NR3C1: variants seen among roughly 807,000 people sequenced by gnomAD.
The protein encoded by NR3C1 is glucocorticoid receptor.
NR3C1 carries 14 observed loss-of-function variants against 74.0 expected under a neutral mutation model. The observed-to-expected ratio is 0.19, with a 90% CI of 0.12 to 0.30. NR3C1 has a LOEUF of 0.30. Ranked by LOEUF, NR3C1 falls within the 10% of genes least tolerant of loss-of-function variation. The pLI is 1.00. For missense variants in NR3C1, 695 were observed against 909.8 expected (o/e 0.76, Z 3.04); for synonymous variants, 308 against 332.5 (o/e 0.93, Z 0.80).
chr5:143,414,201 T>C (rs1841405557), intron 1 of NR3C1, among the ~76,000 whole-genome samples: 1 of 152,198 alleles, frequency 6.6e-6, no homozygotes, highest in African/African-American at 2.4e-5. Flanking sequence ...TTTTGGGTGA[T>C]GAAGTGATGT....
chr5:143,322,673 T>G (rs904790829), intron 2 of NR3C1, among the ~76,000 whole-genome samples: 8 of 152,136 alleles, frequency 5.3e-5, no homozygotes, highest in Non-Finnish European at 7.4e-5. Context: ...CAAATGGAAA[T>G]GCAGAACAGT....
chr5:143,378,496 C>T (rs765328440), intron 2 of NR3C1, among the ~76,000 whole-genome samples: 4 of 152,136 alleles, frequency 2.6e-5, no homozygotes, highest in Admixed American at 6.6e-5. Context: ...TTCAGACTTG[C>T]TTGTGTTCAC....
At chr5:143,332,877 A>G in intron 2 of NR3C1, 1 of 1,480,352 alleles carries the variant, frequency 6.8e-7, no homozygotes, top group South Asian at 1.1e-5. Flanking sequence ...TACCCCCTAG[A>G]ATCTAAAAAT....
chr5:143,402,897 G>A (rs1437895632), intron 1 of NR3C1: 1 of 942,124 alleles, frequency 1.1e-6, no homozygotes. Flanking sequence ...GAGAAAAGAG[G>A]CCAGGATTCC....
intron 1 of NR3C1, chr5:143,402,797 T>C (rs1840572910): frequency 1.0e-6 from 1 of 985,206 alleles, no homozygotes; most frequent in African/African-American, 1.7e-5. Context: ...CGTGCAAATA[T>C]TCGGGCGAGT....
At chr5:143,285,233 G>C (rs373265437) in intron 7 of NR3C1, among the ~76,000 whole-genome samples, 1 of 152,090 alleles carries the variant, frequency 6.6e-6, no homozygotes, top group African/African-American at 2.4e-5. Context: ...TAAATATGCC[G>C]GGCATTCAGT....
chr5:143,388,436 A>C (rs1046593913), intron 2 of NR3C1, among the ~76,000 whole-genome samples: 2 of 152,202 alleles, frequency 1.3e-5, no homozygotes, highest in Non-Finnish European at 2.9e-5. Flanking sequence ...TTAGGTATTC[A>C]ACATGTATTT....
At chr5:143,292,483 C>G (rs1235128953) in intron 7 of NR3C1, among the ~76,000 whole-genome samples, 1 of 152,056 alleles carries the variant, frequency 6.6e-6, no homozygotes, top group African/African-American at 2.4e-5. Context: ...ATTAGTTTTC[C>G]TTACAGGGCA....
chr5:143,424,047 C>G (rs1453280831), intron 1 of NR3C1, among the ~76,000 whole-genome samples: 1 of 66,400 alleles, frequency 1.5e-5, no homozygotes, highest in African/African-American at 6.6e-5. Context: ...GAACATCACA[C>G]TCTGGGGACT....
At chr5:143,305,560 G>A (rs779042159) in intron 4 of NR3C1, among the ~76,000 whole-genome samples, 15 of 152,100 alleles carry the variant, frequency 9.9e-5, no homozygotes, top group Admixed American at 2.6e-4. Context: ...AATACTATGT[G>A]GCCACAAAAA....
intron 1 of NR3C1, among the ~76,000 whole-genome samples, chr5:143,421,947 G>A (rs1010905271): frequency 5.3e-5 from 8 of 152,312 alleles, no homozygotes; most frequent in Admixed American, 6.5e-5. Context: ...GCAGAGTATG[G>A]AACACAGTCA....
intron 2 of NR3C1, among the ~76,000 whole-genome samples, chr5:143,366,811 A>G (rs1471219610): frequency 5.9e-5 from 9 of 152,172 alleles, no homozygotes; most frequent in Non-Finnish European, 5.9e-5. Context: ...TTAAGTTAGT[A>G]ATCAAAAAAC....
At chr5:143,429,122 T>C (rs185732382) in intron 1 of NR3C1, among the ~76,000 whole-genome samples, 36 of 152,336 alleles carry the variant, frequency 2.4e-4, no homozygotes, top group Non-Finnish European at 4.4e-4. Context: ...ATGATAATAA[T>C]AGTAACAGAT....
intron 7 of NR3C1, among the ~76,000 whole-genome samples, chr5:143,283,612 A>AATAG (rs1277801596): frequency 1.3e-5 from 2 of 152,222 alleles, no homozygotes; most frequent in Admixed American, 1.3e-4. Context: ...TAATGTAGCT[A>AATAG]ATAGATATGT....
At position 143,281,338 on chromosome 5, in the gene NR3C1, C is replaced by T. The variant is rs1336001075; in HGVS notation, c.*551G>A. On this transcript the variant is annotated 3_prime_UTR_variant, in exon 9 of 9. Coordinates refer to ENST00000394464, the MANE Select transcript of NR3C1 (RefSeq NM_000176.3). ...AATTATGTAAGAAAAAATGAGCAAG[C>T]GTAGTTCACTAAATATAAAGGAAAT... The T allele has an allele frequency of 6.5e-6, 1 of 154,034 alleles. No individual in the cohort carries two copies. Among genetic ancestry groups the T allele is most frequent in the Non-Finnish European group, 1.4e-5 (1 of 69,050 alleles). 9.5% of individuals were successfully genotyped at this position (154,034 alleles called of 1,614,324 possible).
chr5:143,295,314 A>G (rs1816944941), intron 7 of NR3C1, 146 bp downstream of exon 7: 2 of 1,388,724 alleles, frequency 1.4e-6, no homozygotes. Flanking sequence ...CCTTTCTAAT[A>G]TTTTACATTC....
At chr5:143,396,127 G>A (rs768784323) in intron 2 of NR3C1, among the ~76,000 whole-genome samples, 1 of 151,660 alleles carries the variant, frequency 6.6e-6, no homozygotes, top group Admixed American at 6.6e-5. Context: ...TAGAAACATC[G>A]TAAGTAATTT....
intron 4 of NR3C1, among the ~76,000 whole-genome samples, chr5:143,306,380 A>G (rs1234792180): frequency 1.3e-5 from 2 of 152,220 alleles, no homozygotes; most frequent in East Asian, 3.8e-4. Flanking sequence ...AGTGTGAAAC[A>G]CATGGCTCAT....
chr5:143,404,933 A>C (rs989942099), upstream of NR3C1, among the ~76,000 whole-genome samples: 1 of 152,166 alleles, frequency 6.6e-6, no homozygotes, highest in Non-Finnish European at 1.5e-5. Flanking sequence ...ATAAAACAAA[A>C]TACAGGCAGC....
Sources: gnomAD v4.1 joint callset for allele counts (sites outside exome capture counted in the v4.1 genomes callset) on GRCh38, gnomAD v4.1.1 for gene constraint, MANE v1.5 for transcripts, NCBI Gene and HGNC (gene_info 2026-07-23, HGNC 2026-07-21) for gene names.